COX7B2: variants seen among roughly 807,000 people sequenced by gnomAD.
COX7B2 encodes cytochrome c oxidase subunit 7B2, mitochondrial.
For missense variants in COX7B2, 109 were observed against 95.9 expected, an observed-to-expected ratio of 1.14 and a Z score of -0.57; for synonymous variants, 37 against 32.1, an observed-to-expected ratio of 1.15 and a Z score of -0.51.
At chr4:46,836,872 A>C (rs1326375183) in intron 2 of COX7B2, among the ~76,000 whole-genome samples, 1 of 152,122 alleles carries the variant, frequency 6.6e-6, no homozygotes, top group Non-Finnish European at 1.5e-5. Flanking sequence ...GGTATTTTTC[A>C]GATCCACTAT....
At chr4:46,746,765 T>C (rs923132248) in intron 2 of COX7B2, among the ~76,000 whole-genome samples, 1 of 152,178 alleles carries the variant, frequency 6.6e-6, no homozygotes, top group African/African-American at 2.4e-5. Flanking sequence ...CTTTCCAAGG[T>C]TTTTAGTGCA....
intron 1 of COX7B2, among the ~76,000 whole-genome samples, chr4:46,864,257 C>A (rs528886312): frequency 8.0e-4 from 121 of 152,200 alleles, no homozygotes; most frequent in African/African-American, 2.7e-3. Flanking sequence ...GTACACCTAT[C>A]CAGGATTAAA....
chr4:46,739,499 G>C (rs1436880885), intron 2 of COX7B2, among the ~76,000 whole-genome samples: 1 of 152,046 alleles, frequency 6.6e-6, no homozygotes, highest in Non-Finnish European at 1.5e-5. Flanking sequence ...CTCTAAAGAA[G>C]CTTATGGTAT....
intron 1 of COX7B2, among the ~76,000 whole-genome samples, chr4:46,881,570 C>T (rs908526846): frequency 1.3e-5 from 2 of 151,980 alleles, no homozygotes; most frequent in East Asian, 1.9e-4. Flanking sequence ...CAAGACCAGC[C>T]TGGCCAACAT....
intron 2 of COX7B2, among the ~76,000 whole-genome samples, chr4:46,766,981 T>C (rs1176687972): frequency 2.6e-5 from 4 of 151,546 alleles, no homozygotes; most frequent in African/African-American, 9.7e-5. Context: ...CAGAAAAAAA[T>C]TAACAAAATG....
At chr4:46,768,114 A>G (rs979539747) in intron 2 of COX7B2, among the ~76,000 whole-genome samples, 6 of 152,214 alleles carry the variant, frequency 3.9e-5, no homozygotes, top group Non-Finnish European at 8.8e-5. Context: ...GTAAGTGTTA[A>G]ACAGCTCACT....
chr4:46,759,821 TAA>T (rs1479477729), intron 2 of COX7B2, among the ~76,000 whole-genome samples: 2 of 74,884 alleles, frequency 2.7e-5, no homozygotes, highest in East Asian at 5.5e-4. Flanking sequence ...ATAAGTTATA[TAA>T]GTCATATCTT....
intron 2 of COX7B2, among the ~76,000 whole-genome samples, chr4:46,797,092 T>TAAAAAAAAAA (rs762801656): frequency 2.2e-4 from 14 of 62,560 alleles, no homozygotes; most frequent in Admixed American, 4.3e-4. Flanking sequence ...TAGAGTATAA[T>TAAAAAAAAAA]AAAAAAAAAA....
chr4:46,897,286 T>G (rs1331677880), intron 1 of COX7B2, among the ~76,000 whole-genome samples: 1 of 152,138 alleles, frequency 6.6e-6, no homozygotes, highest in Non-Finnish European at 1.5e-5. Flanking sequence ...CACCAATGTT[T>G]CAGGTCTTAA....
At chr4:46,738,863 T>C (rs940111352) in intron 2 of COX7B2, among the ~76,000 whole-genome samples, 1 of 152,220 alleles carries the variant, frequency 6.6e-6, no homozygotes, top group East Asian at 1.9e-4. Flanking sequence ...AAAAGAAATA[T>C]GTTCTGAATA....
chr4:46,864,995 G>GT (rs1312051451), intron 1 of COX7B2, among the ~76,000 whole-genome samples: 5 of 152,036 alleles, frequency 3.3e-5, no homozygotes, highest in South Asian at 4.1e-4. Context: ...GGATACATGT[G>GT]TTTTTTGTTA....
chr4:46,801,867 T>C (rs944932878), intron 2 of COX7B2, among the ~76,000 whole-genome samples: 11 of 152,150 alleles, frequency 7.2e-5, no homozygotes, highest in Non-Finnish European at 1.0e-4. Context: ...TCCAAGAAAA[T>C]ACTGAATTAA....
chr4:46,875,846 G>C (rs1325231872), intron 1 of COX7B2, among the ~76,000 whole-genome samples: 2 of 151,788 alleles, frequency 1.3e-5, no homozygotes, highest in South Asian at 2.1e-4. Flanking sequence ...CAACTGAAGT[G>C]TTATAAATTC....
chr4:46,831,694 T>C (rs1175036404), intron 2 of COX7B2, among the ~76,000 whole-genome samples: 2 of 152,180 alleles, frequency 1.3e-5, no homozygotes, highest in Non-Finnish European at 2.9e-5. Flanking sequence ...TTGGAGAATC[T>C]TTATGTCTAG....
chr4:46,794,559 C>G lies in COX7B2; in HGVS notation c.-50+50401G>C, dbSNP rs554692100. ...AAATTTTTGAGGGGAGCCCCAGCAT[C>G]CTTAAAGAGCTCTGTAATTGCTCTT... On this transcript the variant is annotated intron_variant, in intron 2 of 2. Transcript: ENST00000355591. 3.9e-5 allele frequency among the ~76,000 whole-genome samples: 6 copies of G among 152,164 alleles called. No homozygotes were observed. The East Asian group carries it at 9.7e-4, about 25-fold the overall frequency.
Position 46,800,870 on chromosome 4 carries a change from A to C in COX7B2, c.-50+44090T>G, listed in dbSNP as rs1374264730. On this transcript the variant is annotated intron_variant, in intron 2 of 2. Transcript: ENST00000355591. The stretch of plus-strand genomic sequence containing the variant: ...AACATTTGCAAACTATGCATTCAAC[A>C]AAGGTCTAAGCCCAGAATCTGTGAG... Among the ~76,000 whole-genome samples, 5 of 152,290 alleles carry C rather than the reference A, an allele frequency of 3.3e-5. No homozygotes were observed. In the East Asian group the frequency reaches 9.7e-4, roughly 29 times the overall value.
intron 1 of COX7B2, among the ~76,000 whole-genome samples, chr4:46,907,359 T>C (rs758474824): frequency 3.3e-5 from 5 of 152,194 alleles, no homozygotes; most frequent in Non-Finnish European, 7.4e-5. Flanking sequence ...CTTCCATTTT[T>C]CCATTGCTCT....
At chr4:46,754,697 C>CAT (rs1715645741) in intron 2 of COX7B2, among the ~76,000 whole-genome samples, 1 of 73,832 alleles carries the variant, frequency 1.4e-5, no homozygotes, top group Non-Finnish European at 2.4e-5. Context: ...CAATAAAATA[C>CAT]GTGTGTGTGT....
intron 1 of COX7B2, among the ~76,000 whole-genome samples, chr4:46,851,730 T>C (rs1716699031): frequency 6.6e-6 from 1 of 152,126 alleles, no homozygotes. Flanking sequence ...TGAAGAATAT[T>C]GTTTTGTAAA....
Sources: allele counts gnomAD v4.1 joint callset (sites outside exome capture counted in the v4.1 genomes callset), GRCh38; gene constraint gnomAD v4.1.1; transcripts MANE v1.5; gene names NCBI Gene and HGNC (gene_info 2026-07-23, HGNC 2026-07-21).